SLC25A26: variants seen among roughly 807,000 people sequenced by gnomAD.
The protein encoded by SLC25A26 is mitochondrial S-adenosylmethionine carrier protein.
A neutral mutation model predicts 37.8 loss-of-function variants in SLC25A26; 36 were observed. The ratio of observed to expected loss-of-function variants is 0.95; its 90% CI spans 0.73 to 1.26. The LOEUF (loss-of-function observed/expected upper bound fraction) is 1.26, where lower values mean the gene tolerates loss of function less well. Ranked by LOEUF, SLC25A26 falls within the 50% of genes most tolerant of loss-of-function variation. The pLI is 0.00. For synonymous variants in SLC25A26, 129 were observed against 122.5 expected (o/e 1.05, Z -0.35); for missense variants, 390 against 331.1 (o/e 1.18, Z -1.38).
At chr3:66,233,942 T>C (rs1195156030) in intron 1 of SLC25A26, among the ~76,000 whole-genome samples, 1 of 152,218 alleles carries the variant, frequency 6.6e-6, no homozygotes, top group Admixed American at 6.5e-5. Flanking sequence ...ATAGCACTTC[T>C]CTGAATTCTC....
chr3:66,221,147 G>C lies in SLC25A26; in HGVS notation c.33+20G>C, dbSNP rs1553658189. ...CTGGTGGTGAGTGCGGGGCGGTGGG[G>C]TGGGTTGCTCAGAGTGCCGGCGTCC... On this transcript the variant is annotated intron_variant, in intron 1 of 9. Transcript: ENST00000354883. 1 of 1,510,638 alleles carries C rather than the reference G, an allele frequency of 6.6e-7. No homozygotes were observed. Among genetic ancestry groups the C allele is most frequent in the Admixed American group, 2.2e-5 (1 of 44,452 alleles). 93.6% of individuals were successfully genotyped at this position (1,510,638 alleles called of 1,614,324 possible). A position where few individuals can be genotyped will look rare whatever the true frequency, so the allele number is the denominator to read the frequency against.
At chr3:66,150,894 G>T (rs1232451755) in intron 1 of SLC25A26, among the ~76,000 whole-genome samples, 1 of 151,774 alleles carries the variant, frequency 6.6e-6, no homozygotes, top group Admixed American at 6.6e-5. Flanking sequence ...GAACCCAGCT[G>T]CTCCTACTGT....
chr3:66,351,999 A>G (rs2076464173), intron 6 of SLC25A26, among the ~76,000 whole-genome samples: 1 of 152,104 alleles, frequency 6.6e-6, no homozygotes, highest in Non-Finnish European at 1.5e-5. Flanking sequence ...CTGTAATCCC[A>G]GCACTTTGAG....
At chr3:66,169,723 C>A (rs2106728996) in intron 1 of SLC25A26, among the ~76,000 whole-genome samples, 1 of 152,264 alleles carries the variant, frequency 6.6e-6, no homozygotes, top group Non-Finnish European at 1.5e-5. Flanking sequence ...GGCTTCTATG[C>A]AACTTCACAT....
At chr3:66,163,482 A>G (rs138295086) in intron 1 of SLC25A26, among the ~76,000 whole-genome samples, 110 of 152,302 alleles carry the variant, frequency 7.2e-4, no homozygotes, top group African/African-American at 2.5e-3. Flanking sequence ...GATACCATTG[A>G]CAAGATCACA....
intron 6 of SLC25A26, among the ~76,000 whole-genome samples, chr3:66,352,778 C>T (rs977154453): frequency 6.6e-6 from 1 of 151,916 alleles, no homozygotes; most frequent in Non-Finnish European, 1.5e-5. Flanking sequence ...TCTCTCCATC[C>T]CCCTTCCCCA....
chr3:66,374,359 C>T (rs1412161546), intron 9 of SLC25A26, among the ~76,000 whole-genome samples: 2 of 152,144 alleles, frequency 1.3e-5, no homozygotes, highest in Non-Finnish European at 2.9e-5. Flanking sequence ...CAGCCGTCTT[C>T]GATGTTACTG....
chr3:66,367,681 T>TAGAC (rs3054005), intron 7 of SLC25A26, among the ~76,000 whole-genome samples: 25 of 136,754 alleles, frequency 1.8e-4, no homozygotes, highest in South Asian at 5.0e-4. Context: ...GATAGATAGA[T>TAGAC]AGACAGACAG....
At chr3:66,246,424 A>G (rs948102933) in intron 3 of SLC25A26, among the ~76,000 whole-genome samples, 1 of 152,218 alleles carries the variant, frequency 6.6e-6, no homozygotes, top group African/African-American at 2.4e-5. Context: ...TAGATTTCTC[A>G]TGTTAATCAT....
intron 5 of SLC25A26, among the ~76,000 whole-genome samples, chr3:66,327,973 A>G (rs1406426263): frequency 1.3e-5 from 2 of 152,024 alleles, no homozygotes; most frequent in East Asian, 1.9e-4. Flanking sequence ...CCATCATGAT[A>G]TGGAATTAAT....
At chr3:66,261,617 G>A (rs2073530451) in intron 3 of SLC25A26, 1 of 162,306 alleles carries the variant, frequency 6.2e-6, no homozygotes, top group Non-Finnish European at 1.3e-5. Flanking sequence ...TGGAAGGCTG[G>A]GTACCAGCTG....
chr3:66,170,040 C>T (rs148851741), intron 1 of SLC25A26, among the ~76,000 whole-genome samples: 4 of 152,288 alleles, frequency 2.6e-5, no homozygotes, highest in African/African-American at 7.2e-5. Context: ...AAATCACACA[C>T]TTGGGCAACC....
At chr3:66,156,760 C>G (rs2070288214) in intron 1 of SLC25A26, among the ~76,000 whole-genome samples, 1 of 152,068 alleles carries the variant, frequency 6.6e-6, no homozygotes, top group South Asian at 2.1e-4. Context: ...ACTCCGAGAT[C>G]CACCTGCCTC....
intron 5 of SLC25A26, among the ~76,000 whole-genome samples, chr3:66,327,932 G>C (rs2107668895): frequency 6.6e-6 from 1 of 151,336 alleles, no homozygotes; most frequent in South Asian, 2.1e-4. Flanking sequence ...ATAATGCGCT[G>C]AAAGGAGTGG....
intron 7 of SLC25A26, among the ~76,000 whole-genome samples, chr3:66,364,320 C>G (rs183480134): frequency 6.6e-6 from 1 of 152,190 alleles, no homozygotes; most frequent in Non-Finnish European, 1.5e-5. Flanking sequence ...AAGGGAACTT[C>G]CTATCAGACA....
Position 66,346,402 on chromosome 3 carries a change from C to T in SLC25A26, c.492C>T (p.Ser164=), listed in dbSNP as rs979833904. The T allele has an allele frequency of 1.4e-6, 2 of 1,472,586 alleles. No homozygotes were observed. Among genetic ancestry groups the T allele is most frequent in the Non-Finnish European group, 9.1e-7 (1 of 1,102,644 alleles). 91.2% of individuals were successfully genotyped at this position (1,472,586 alleles called of 1,614,324 possible). A position where few individuals can be genotyped will look rare whatever the true frequency, so the allele number is the denominator to read the frequency against. ...TGGTCCAGTTTCCCTTATGGGAGTC[C>T]TTAAAAGTAAGTTTCTCAGTCTTCA... ...FSLVQFPLWE[S]LKALWSWRQD... The change falls in exon 6 of 10, where the codon TCC becomes TCT. Residue 164 remains serine, a synonymous_variant. Coordinates refer to ENST00000354883, the MANE Select transcript of SLC25A26 (RefSeq NM_001379210.1).
At chr3:66,251,529 T>A (rs1219241321) in intron 3 of SLC25A26, among the ~76,000 whole-genome samples, 1 of 152,140 alleles carries the variant, frequency 6.6e-6, no homozygotes, top group Non-Finnish European at 1.5e-5. Flanking sequence ...ATCTTGCCAG[T>A]GGGCCCAGCC....
intron 5 of SLC25A26, among the ~76,000 whole-genome samples, chr3:66,300,720 A>C (rs1283075839): frequency 6.6e-6 from 1 of 152,136 alleles, no homozygotes; most frequent in East Asian, 1.9e-4. Flanking sequence ...ATTTTCTAGA[A>C]AGAAGGAAAT....
intron 1 of SLC25A26, among the ~76,000 whole-genome samples, chr3:66,205,588 G>C (rs2071166103): frequency 1.3e-5 from 2 of 152,144 alleles, no homozygotes; most frequent in South Asian, 4.1e-4. Context: ...TTGGACTGAT[G>C]CATACTTTAT....
Sources: gnomAD v4.1 joint callset for allele counts (sites outside exome capture counted in the v4.1 genomes callset) on GRCh38, gnomAD v4.1.1 for gene constraint, MANE v1.5 for transcripts, NCBI Gene and HGNC (gene_info 2026-07-23, HGNC 2026-07-21) for gene names.